LYZL4: variants seen among roughly 807,000 people sequenced by gnomAD.
LYZL4 encodes lysozyme like 4, also known as lysozyme-like protein 4.
A neutral mutation model predicts 17.6 loss-of-function variants in LYZL4; 13 were observed. That is an observed-to-expected ratio of 0.74 (90% CI 0.48 to 1.18). The LOEUF is 1.18. Ranked by LOEUF, LYZL4 falls within the 50% of genes most tolerant of loss-of-function variation. The pLI is 0.00. For synonymous variants in LYZL4, 64 were observed against 67.7 expected, an observed-to-expected ratio of 0.95 and a Z score of 0.27; for missense variants, 174 against 188.2, an observed-to-expected ratio of 0.92 and a Z score of 0.44.
At chr3:42,373,232 T>C in the LYZL4 span, among the ~76,000 whole-genome samples, 1 of 151,962 alleles carries the variant, frequency 6.6e-6, no homozygotes, top group Non-Finnish European at 1.5e-5. Context: ...AAAAAAGAGT[T>C]AGGATGCAAA....
the LYZL4 span, among the ~76,000 whole-genome samples, chr3:42,376,836 T>C: frequency 1.3e-5 from 2 of 152,234 alleles, no homozygotes; most frequent in African/African-American, 4.8e-5. Context: ...TTGTTCTTGA[T>C]CAGGACTTAT....
At chr3:42,399,804 G>A (rs1052162326) in intron 4 of LYZL4, among the ~76,000 whole-genome samples, 1 of 151,990 alleles carries the variant, frequency 6.6e-6, no homozygotes, top group Non-Finnish European at 1.5e-5. Flanking sequence ...GTTTTTCAAC[G>A]AGCACATAGG....
chr3:42,390,916 G>A, the LYZL4 span, among the ~76,000 whole-genome samples: 1 of 152,294 alleles, frequency 6.6e-6, no homozygotes, highest in East Asian at 1.9e-4. Flanking sequence ...ACCTGGTTTT[G>A]GTGGAGCCTT....
At chr3:42,364,969 A>C in the LYZL4 span, among the ~76,000 whole-genome samples, 1 of 152,204 alleles carries the variant, frequency 6.6e-6, no homozygotes, top group Non-Finnish European at 1.5e-5. Context: ...CAAAAGGGTC[A>C]TCTGGGCATT....
the LYZL4 span, among the ~76,000 whole-genome samples, chr3:42,369,847 C>A: frequency 2.0e-5 from 3 of 152,194 alleles, no homozygotes; most frequent in African/African-American, 7.2e-5. Context: ...TTTGGGGATG[C>A]AGGCTGCTCC....
At chr3:42,405,806 C>T (rs1412731049) in intron 3 of LYZL4, among the ~76,000 whole-genome samples, 1 of 152,152 alleles carries the variant, frequency 6.6e-6, no homozygotes, top group African/African-American at 2.4e-5. Context: ...TGGGCATATA[C>T]TTACCCTCTC....
chr3:42,391,500 A>G, the LYZL4 span, among the ~76,000 whole-genome samples: 2 of 152,230 alleles, frequency 1.3e-5, no homozygotes, highest in African/African-American at 4.8e-5. Context: ...GGAGGGAATG[A>G]TCAATCATGT....
At chr3:42,385,479 T>C in the LYZL4 span, among the ~76,000 whole-genome samples, 3 of 152,232 alleles carry the variant, frequency 2.0e-5, no homozygotes, top group African/African-American at 7.2e-5. Flanking sequence ...CTATGCCATC[T>C]AGGTTTGTTA....
At chr3:42,405,861 A>G (rs938787040) in intron 3 of LYZL4, among the ~76,000 whole-genome samples, 1 of 152,020 alleles carries the variant, frequency 6.6e-6, no homozygotes, top group Non-Finnish European at 1.5e-5. Context: ...AACGGTACCC[A>G]CCTCATGGGT....
the LYZL4 span, among the ~76,000 whole-genome samples, chr3:42,365,367 G>A: frequency 5.9e-5 from 9 of 152,134 alleles, no homozygotes; most frequent in African/African-American, 2.2e-4. Flanking sequence ...AATTTCAGTG[G>A]CATGCAATAA....
chr3:42,377,620 A>ACTCT, the LYZL4 span, among the ~76,000 whole-genome samples: 8 of 89,484 alleles, frequency 8.9e-5, no homozygotes, highest in Middle Eastern at 5.0e-3. Flanking sequence ...GTGATGCATG[A>ACTCT]CTCTCTGTGT....
the LYZL4 span, among the ~76,000 whole-genome samples, chr3:42,390,178 G>A: frequency 6.6e-6 from 1 of 152,170 alleles, no homozygotes; most frequent in African/African-American, 2.4e-5. Context: ...TATAAGGTCT[G>A]GAAAAGGGAT....
intron 3 of LYZL4, among the ~76,000 whole-genome samples, chr3:42,404,816 A>T (rs1313400962): frequency 6.6e-6 from 1 of 152,226 alleles, no homozygotes; most frequent in East Asian, 1.9e-4. Context: ...TCTGGATGAC[A>T]TTGAATGTAC....
chr3:42,373,560 T>C, the LYZL4 span, among the ~76,000 whole-genome samples: 3,778 of 152,242 alleles, frequency 0.025, 170 homozygotes, highest in African/African-American at 0.086. Flanking sequence ...TGTGCATGTG[T>C]GTGTGCAGGT....
rs530826566 is a variant in LYZL4 at position 42,406,220 on chromosome 3, G to A, written c.292+626C>T. Among the ~76,000 whole-genome samples, 34 of 152,236 alleles carry A rather than the reference G, an allele frequency of 2.2e-4. 1 individual carries two copies. The highest frequency in any genetic ancestry group is 7.5e-4 in the African/African-American group (31 of 41,558). Reference sequence around the variant, plus strand: ...TGTAACCCTAGCACTTTGGGAGGCCGAGACGGGCAGATCACGAGGTCAGGA... The same window carrying A: ...TGTAACCCTAGCACTTTGGGAGGCCAAGACGGGCAGATCACGAGGTCAGGA... On this transcript the variant is annotated intron_variant, in intron 3 of 4. Coordinates refer to ENST00000287748, the MANE Select transcript of LYZL4 (RefSeq NM_144634.4).
At chr3:42,407,087 G>C in intron 2 of LYZL4, 26 bp downstream of exon 2, 1 of 1,613,974 alleles carries the variant, frequency 6.2e-7, no homozygotes, top group Middle Eastern at 1.6e-4. Context: ...GGTGAGAGGA[G>C]GGAGCACTAA....
At chr3:42,376,439 C>A in the LYZL4 span, among the ~76,000 whole-genome samples, 1 of 152,216 alleles carries the variant, frequency 6.6e-6, no homozygotes, top group East Asian at 1.9e-4. Flanking sequence ...AAGATCAATG[C>A]CTCCAGGGAG....
chr3:42,397,766 G>A (rs1426955777), intron 4 of LYZL4, among the ~76,000 whole-genome samples: 1 of 152,202 alleles, frequency 6.6e-6, no homozygotes, highest in South Asian at 2.1e-4. Flanking sequence ...CTGGGCCAGG[G>A]CCCCTTTCAC....
At chr3:42,392,885 G>A (rs960359706), downstream of LYZL4, among the ~76,000 whole-genome samples, 10 of 152,166 alleles carry the variant, frequency 6.6e-5, no homozygotes, top group African/African-American at 2.4e-4. Context: ...TAATGGCAAG[G>A]CTGATAGGCT....
Sources: allele counts gnomAD v4.1 joint callset (sites outside exome capture counted in the v4.1 genomes callset), GRCh38; gene constraint gnomAD v4.1.1; transcripts MANE v1.5; gene names NCBI Gene and HGNC (gene_info 2026-07-23, HGNC 2026-07-21).